Variants in NCALD observed in about 807,000 individuals in gnomAD.
NCALD encodes the protein neurocalcin delta.
A neutral mutation model predicts 18.6 loss-of-function variants in NCALD; 10 were observed. The observed-to-expected ratio is 0.54, with a 90% CI of 0.33 to 0.91. The LOEUF is 0.91. Ranked by LOEUF, NCALD falls within the 40% of genes least tolerant of loss-of-function variation. NCALD has a pLI of 0.03. For missense variants in NCALD, 184 were observed against 247.6 expected, an observed-to-expected ratio of 0.74 and a Z score of 1.72; for synonymous variants, 88 against 87.4, an observed-to-expected ratio of 1.01 and a Z score of -0.04.
chr8:102,032,074 C>T (rs1007781231), intron 1 of NCALD, among the ~76,000 whole-genome samples: 12 of 152,166 alleles, frequency 7.9e-5, no homozygotes, highest in Non-Finnish European at 1.0e-4. Context: ...CCCTAGGACA[C>T]TTGATGACCA....
At chr8:102,075,650 A>G (rs1296697405) in intron 1 of NCALD, among the ~76,000 whole-genome samples, 1 of 152,142 alleles carries the variant, frequency 6.6e-6, no homozygotes, top group Non-Finnish European at 1.5e-5. Context: ...ATGAATCAAG[A>G]CTCATGAAAA....
At chr8:101,712,441 C>T (rs1280843027) in intron 2 of NCALD, among the ~76,000 whole-genome samples, 1 of 151,708 alleles carries the variant, frequency 6.6e-6, no homozygotes. Flanking sequence ...GGCTAAATGC[C>T]CCCAATTAAA....
intron 2 of NCALD, among the ~76,000 whole-genome samples, chr8:101,988,035 G>A (rs1046777287): frequency 6.6e-6 from 1 of 151,200 alleles, no homozygotes; most frequent in Non-Finnish European, 1.5e-5. Flanking sequence ...GGCGCCTGTA[G>A]TCCCAGCTAC....
intron 2 of NCALD, among the ~76,000 whole-genome samples, chr8:101,955,924 G>C (rs1268467890): frequency 6.6e-6 from 1 of 152,094 alleles, no homozygotes; most frequent in African/African-American, 2.4e-5. Context: ...AGGTATTTAA[G>C]GGTAATGGGA....
rs566321331 is a variant in NCALD at position 102,031,726 on chromosome 8, AT to A, written c.-209-11438del. On this transcript the variant is annotated intron_variant, in intron 1 of 6. Transcript: ENST00000311028. Reference sequence around the variant, plus strand: ...TCCTATTGAAGGAAGGTGAGCAAAAATATATTCAATAAATTGCTATGATCAA... The same window carrying A: ...TCCTATTGAAGGAAGGTGAGCAAAAAATATTCAATAAATTGCTATGATCAA... 4.7e-4 allele frequency among the ~76,000 whole-genome samples: 71 copies of A among 152,348 alleles called. No individual in the cohort carries two copies. In the South Asian group the frequency reaches 0.013, roughly 29 times the overall value.
At chr8:102,027,285 T>A (rs1822492528) in intron 1 of NCALD, among the ~76,000 whole-genome samples, 1 of 152,262 alleles carries the variant, frequency 6.6e-6, no homozygotes, top group South Asian at 2.1e-4. Flanking sequence ...TCCAAATTTT[T>A]ATGATCTGTT....
intron 1 of NCALD, among the ~76,000 whole-genome samples, chr8:102,032,527 T>C (rs1345020605): frequency 6.7e-6 from 1 of 148,862 alleles, no homozygotes; most frequent in Non-Finnish European, 1.5e-5. Context: ...GACTGAAAGA[T>C]GGCCAGAAGT....
chr8:101,802,899 C>CAAA (rs34519871), intron 4 of NCALD, among the ~76,000 whole-genome samples: 2,122 of 99,162 alleles, frequency 0.021, 77 homozygotes, highest in African/African-American at 0.031. Flanking sequence ...TGCTGCTGCT[C>CAAA]AAAAAAAAAA....
At chr8:101,966,108 AAG>A (rs1563939722) in intron 2 of NCALD, among the ~76,000 whole-genome samples, 1 of 152,170 alleles carries the variant, frequency 6.6e-6, no homozygotes, top group Non-Finnish European at 1.5e-5. Flanking sequence ...TGATAAAAAA[AAG>A]AACATTATTA....
intron 3 of NCALD, among the ~76,000 whole-genome samples, chr8:101,888,064 AGGGCCCATTGCTG>A (rs1816738351): frequency 6.6e-6 from 1 of 152,172 alleles, no homozygotes; most frequent in Non-Finnish European, 1.5e-5. Flanking sequence ...GGTCATTCTG[AGGGCCCATTGCTG>A]AATCGGCCAC....
chr8:101,807,044 C>A (rs1029090810), intron 4 of NCALD, among the ~76,000 whole-genome samples: 4 of 151,970 alleles, frequency 2.6e-5, no homozygotes, highest in South Asian at 4.1e-4. Flanking sequence ...AACCAAGAAG[C>A]CTATATCCAG....
upstream of NCALD, among the ~76,000 whole-genome samples, chr8:101,793,133 A>T (rs182350535): frequency 4.3e-4 from 65 of 152,106 alleles, 2 homozygotes; most frequent in Admixed American, 4.3e-3. Context: ...GGTGGATCAC[A>T]AGGTCAGGAG....
intron 2 of NCALD, among the ~76,000 whole-genome samples, chr8:101,969,503 A>G (rs1820158078): frequency 6.6e-6 from 1 of 152,220 alleles, no homozygotes; most frequent in Non-Finnish European, 1.5e-5. Flanking sequence ...ACTCTAAAAA[A>G]CACATAGTTT....
chr8:102,006,458 T>A (rs192010868), intron 2 of NCALD, among the ~76,000 whole-genome samples: 1 of 152,332 alleles, frequency 6.6e-6, no homozygotes, highest in East Asian at 1.9e-4. Context: ...TTATTGTCAC[T>A]TCATCTCCTC....
intron 2 of NCALD, among the ~76,000 whole-genome samples, chr8:102,017,512 G>C (rs944015710): frequency 2.0e-5 from 3 of 152,142 alleles, no homozygotes; most frequent in Non-Finnish European, 4.4e-5. Flanking sequence ...TCAGGTGTTT[G>C]AGACCAGCCC....
intron 1 of NCALD, among the ~76,000 whole-genome samples, chr8:102,029,852 C>T (rs184928152): frequency 1.4e-3 from 215 of 152,276 alleles, no homozygotes; most frequent in African/African-American, 5.0e-3. Context: ...GCCTGAAGCA[C>T]TCTCACATTT....
rs190797894 is a variant in NCALD at position 101,950,620 on chromosome 8, G to A, written c.-156-34762C>T. 2.4e-4 allele frequency among the ~76,000 whole-genome samples: 37 copies of A among 152,312 alleles called. No homozygotes were observed. In the East Asian group the frequency reaches 4.0e-3, roughly 17 times the overall value. ...CTTGGCTAAGAGACTTCCTTGGCCCGTGGAATGTGGGCAGAGTACAGTGAA... is the reference window on the plus strand; with the variant it reads ...CTTGGCTAAGAGACTTCCTTGGCCCATGGAATGTGGGCAGAGTACAGTGAA... On this transcript the variant is annotated intron_variant, in intron 2 of 6. Coordinates refer to the NCALD transcript ENST00000311028.
intron 1 of NCALD, among the ~76,000 whole-genome samples, chr8:101,777,556 T>C (rs1442064675): frequency 1.3e-5 from 2 of 152,178 alleles, no homozygotes; most frequent in African/African-American, 2.4e-5. Flanking sequence ...ATTGATCATA[T>C]GGTCAATCAG....
At chr8:101,956,635 C>G (rs1440136871) in intron 2 of NCALD, among the ~76,000 whole-genome samples, 1 of 151,558 alleles carries the variant, frequency 6.6e-6, no homozygotes, top group Non-Finnish European at 1.5e-5. Flanking sequence ...GAGAGAGAGA[C>G]AGACACACAG....
Sources: allele counts gnomAD v4.1 joint callset (sites outside exome capture counted in the v4.1 genomes callset), GRCh38; gene constraint gnomAD v4.1.1; transcripts MANE v1.5; gene names NCBI Gene and HGNC (gene_info 2026-07-23, HGNC 2026-07-21).